NT5DC1: variants seen among roughly 807,000 people sequenced by gnomAD.
The protein encoded by NT5DC1 is 5'-nucleotidase domain containing 1, also known as 5'-nucleotidase domain-containing protein 1.
In NT5DC1, 42 loss-of-function variants were observed where a neutral mutation model predicts 59.4. The observed-to-expected ratio is 0.71, with a 90% CI of 0.55 to 0.92. The LOEUF is 0.92. Among genes scored for constraint, NT5DC1 ranks in the 40% least tolerant of loss-of-function variants. The pLI, the probability that NT5DC1 is intolerant of heterozygous loss-of-function variation, is 0.00. For missense variants in NT5DC1, 501 were observed against 537.1 expected, an observed-to-expected ratio of 0.93 and a Z score of 0.66; for synonymous variants, 172 against 188.1, an observed-to-expected ratio of 0.91 and a Z score of 0.70.
At chr6:116,146,632 T>A (rs1219349415) in intron 6 of NT5DC1, among the ~76,000 whole-genome samples, 1 of 152,232 alleles carries the variant, frequency 6.6e-6, no homozygotes, top group East Asian at 1.9e-4. Context: ...ATCTGTATCT[T>A]ACAGTTTCCT....
At chr6:116,131,513 C>T (rs914500897) in intron 6 of NT5DC1, among the ~76,000 whole-genome samples, 2 of 152,092 alleles carry the variant, frequency 1.3e-5, no homozygotes, top group African/African-American at 4.8e-5. Flanking sequence ...TTATAGATAA[C>T]AGTTTATATT....
At chr6:116,182,998 A>T (rs941243129) in intron 6 of NT5DC1, among the ~76,000 whole-genome samples, 1 of 152,072 alleles carries the variant, frequency 6.6e-6, no homozygotes, top group Non-Finnish European at 1.5e-5. Context: ...TAGAATTGTT[A>T]TGGTTTTGGG....
intron 6 of NT5DC1, among the ~76,000 whole-genome samples, chr6:116,172,331 T>TC (rs1780627841): frequency 1.4e-5 from 2 of 147,718 alleles, no homozygotes. Context: ...TTTTTTTTTT[T>TC]TTTTTTTTGA....
At chr6:116,219,952 ACT>A (rs1230749283) in intron 6 of NT5DC1, among the ~76,000 whole-genome samples, 1 of 113,148 alleles carries the variant, frequency 8.8e-6, no homozygotes, top group Non-Finnish European at 1.7e-5. Context: ...ACAGAGTGAG[ACT>A]CTGTCTCAAA....
intron 8 of NT5DC1, among the ~76,000 whole-genome samples, chr6:116,233,975 C>CTGTTT (rs1782065181): frequency 9.6e-6 from 1 of 104,116 alleles, no homozygotes. Flanking sequence ...TATCTTATAA[C>CTGTTT]TGTTTTTTTT....
chr6:116,233,238 A>G (rs1040912695), intron 8 of NT5DC1, among the ~76,000 whole-genome samples: 9 of 152,244 alleles, frequency 5.9e-5, no homozygotes, highest in African/African-American at 2.2e-4. Flanking sequence ...AAAGTAATAC[A>G]GGTTTGCTGT....
rs145054260 is a variant in NT5DC1, at chr6:116,100,939, G to C, written c.9G>C (p.Gln3His). 6.2e-7 allele frequency: 1 copy of C among 1,603,046 alleles called. No homozygotes were observed. The change falls in exon 1 of 12, where the codon CAG becomes CAC. Residue 3 changes from glutamine (Q) to histidine (H), a missense_variant. Transcript: ENST00000319550. MA[Q>H]HFSLAACDVV... ...GTGCTCCCCGCGCAGCCATGGCTCA[G>C]CACTTCTCCCTGGCCGCCTGCGACG...
rs181601116 is a variant in NT5DC1, at chr6:116,123,244, G to A, written c.529+5299G>A. 1.2e-4 allele frequency among the ~76,000 whole-genome samples: 18 copies of A among 152,284 alleles called. No individual in the cohort carries two copies. The East Asian group carries it at 2.1e-3, about 18-fold the overall frequency. ...GAAATGAGTGCATTGGGCGTCATCC[G>A]AGACTGGAACTCCAGTGACAGGGCG... On this transcript the variant is annotated intron_variant, in intron 6 of 11. Coordinates refer to ENST00000319550, the MANE Select transcript of NT5DC1 (RefSeq NM_152729.3).
intron 6 of NT5DC1, among the ~76,000 whole-genome samples, chr6:116,188,049 G>T (rs889518336): frequency 9.9e-5 from 15 of 151,972 alleles, no homozygotes; most frequent in African/African-American, 2.4e-4. Context: ...TTGACAGGCA[G>T]TTTACAAATA....
At chr6:116,167,894 C>T (rs528474928) in intron 6 of NT5DC1, among the ~76,000 whole-genome samples, 1 of 151,994 alleles carries the variant, frequency 6.6e-6, no homozygotes, top group Admixed American at 6.6e-5. Context: ...CACTTTCATT[C>T]TTAGAGAATA....
chr6:116,134,922 A>G (rs1779552882), intron 6 of NT5DC1, among the ~76,000 whole-genome samples: 2 of 152,174 alleles, frequency 1.3e-5, no homozygotes, highest in Non-Finnish European at 1.5e-5. Flanking sequence ...AGAGCCCAGA[A>G]TCTTGGGAGT....
chr6:116,228,534 C>T (rs1009339721), intron 8 of NT5DC1, among the ~76,000 whole-genome samples: 13 of 152,020 alleles, frequency 8.6e-5, no homozygotes, highest in African/African-American at 3.1e-4. Flanking sequence ...AAAAGTTTAG[C>T]TCATTTTTAT....
chr6:116,183,375 A>G (rs915818002), intron 6 of NT5DC1, among the ~76,000 whole-genome samples: 2 of 152,004 alleles, frequency 1.3e-5, no homozygotes, highest in Non-Finnish European at 2.9e-5. Flanking sequence ...TTGGTGCCAT[A>G]TGAATTTTAG....
intron 6 of NT5DC1, among the ~76,000 whole-genome samples, chr6:116,180,743 A>C (rs1780856021): frequency 6.6e-6 from 1 of 152,082 alleles, no homozygotes; most frequent in Admixed American, 6.6e-5. Context: ...GAATGAGGAA[A>C]GTGCTATGGG....
intron 6 of NT5DC1, among the ~76,000 whole-genome samples, chr6:116,161,014 A>T (rs1780315257): frequency 1.3e-5 from 2 of 152,032 alleles, no homozygotes; most frequent in African/African-American, 4.8e-5. Context: ...TGCAGCCATA[A>T]AAAATGATGA....
In NT5DC1 at chr6:116,121,096, A is replaced by T. The variant is rs780224268; in HGVS notation, c.529+3151A>T. The T allele has an allele frequency of 5.6e-6, 9 of 1,613,706 alleles. No homozygotes were observed. In the African/African-American group the frequency reaches 1.1e-4, roughly 19 times the overall value. ...TTGGTCCTTGGGGTCCCATATTCCC[A>T]GGGGGTCCAGTCAGACCTGGCTTCC... On this transcript the variant is annotated intron_variant, in intron 6 of 11. Coordinates refer to ENST00000319550, the MANE Select transcript of NT5DC1 (RefSeq NM_152729.3).
chr6:116,211,408 T>C (rs552002664), intron 6 of NT5DC1, among the ~76,000 whole-genome samples: 1 of 152,212 alleles, frequency 6.6e-6, no homozygotes, highest in East Asian at 1.9e-4. Context: ...CAATGAATTT[T>C]CTCTAGCAAA....
At chr6:116,160,892 G>A (rs913948214) in intron 6 of NT5DC1, among the ~76,000 whole-genome samples, 10 of 152,000 alleles carry the variant, frequency 6.6e-5, no homozygotes, top group Non-Finnish European at 1.2e-4. Flanking sequence ...ACATGCACAC[G>A]TATGTTTATT....
intron 6 of NT5DC1, among the ~76,000 whole-genome samples, chr6:116,179,729 G>A (rs558611789): frequency 6.6e-6 from 1 of 152,218 alleles, no homozygotes; most frequent in South Asian, 2.1e-4. Context: ...ATAATTATAA[G>A]ATTCTGGTTT....
Sources: allele counts gnomAD v4.1 joint callset (sites outside exome capture counted in the v4.1 genomes callset), GRCh38; gene constraint gnomAD v4.1.1; transcripts MANE v1.5; gene names NCBI Gene and HGNC (gene_info 2026-07-23, HGNC 2026-07-21).